The following ADGRG6 variants were observed in gnomAD, a reference collection of about 807,000 sequenced individuals.
ADGRG6 encodes the protein adhesion G protein-coupled receptor G6, also known as G-protein coupled receptor 126.
In ADGRG6, 84 loss-of-function variants were observed where a neutral mutation model predicts 142.4. That is an observed-to-expected ratio of 0.59 (90% CI 0.49 to 0.71). The LOEUF is 0.71. Ranked by LOEUF, ADGRG6 falls within the 30% of genes least tolerant of loss-of-function variation. The pLI is 0.00. For missense variants in ADGRG6, 1,367 were observed against 1,466.6 expected (o/e 0.93, Z 1.11); for synonymous variants, 521 against 520.5 (o/e 1.00, Z -0.01).
intron 22 of ADGRG6, among the ~76,000 whole-genome samples, chr6:142,435,408 C>G (rs1777435453): frequency 6.6e-6 from 1 of 152,174 alleles, no homozygotes. Flanking sequence ...GACACAACCT[C>G]AGCAACTTAT....
intron 9 of ADGRG6, among the ~76,000 whole-genome samples, 198 bp from the exon 10 acceptor site, chr6:142,397,415 A>G (rs577206096): frequency 2.0e-5 from 3 of 152,274 alleles, no homozygotes; most frequent in Non-Finnish European, 2.9e-5. Context: ...GCAATAGCCT[A>G]TAGAATCTAT....
chr6:142,411,895 C>G (rs1276028999), intron 18 of ADGRG6, among the ~76,000 whole-genome samples: 1 of 152,092 alleles, frequency 6.6e-6, no homozygotes, highest in Non-Finnish European at 1.5e-5. Context: ...AGTGATCTCC[C>G]TCCTAGAGAT....
At chr6:142,414,699 T>G (rs1001473286) in intron 18 of ADGRG6, among the ~76,000 whole-genome samples, 16 of 152,230 alleles carry the variant, frequency 1.1e-4, no homozygotes, top group African/African-American at 3.9e-4. Flanking sequence ...GTTTTGATCT[T>G]CAGGTTATAC....
At chr6:142,302,452 G>C in intron 1 of ADGRG6, 121 bp downstream of exon 1, 2 of 1,043,748 alleles carry the variant, frequency 1.9e-6, no homozygotes. Flanking sequence ...TCAACTGCAC[G>C]GAGGGAATAA....
Position 142,411,334 on chromosome 6 carries a change from T to A in ADGRG6, c.2464T>A (p.Cys822Ser). 6.2e-7 allele frequency: 1 copy of A among 1,606,480 alleles called. No individual in the cohort carries two copies. Among genetic ancestry groups the A allele is most frequent in the Non-Finnish European group, 8.5e-7 (1 of 1,173,244 alleles). Reference sequence around the variant, plus strand: ...TTTTGGAGGATGGAACACGTCAGGATGTGTTGCACACAGAGATTCAGATGC... The same window carrying A: ...TTTTGGAGGATGGAACACGTCAGGAAGTGTTGCACACAGAGATTCAGATGC... ...KSFGGWNTSG[C>S]VAHRDSDASE... The change falls in exon 18 of 25, where the codon TGT becomes AGT. Residue 822 changes from cysteine to serine, a missense_variant. Coordinates refer to ENST00000367609, the MANE Select transcript of ADGRG6 (RefSeq NM_198569.3).
chr6:142,321,180 A>G (rs1435153640), intron 2 of ADGRG6, among the ~76,000 whole-genome samples: 15 of 151,952 alleles, frequency 9.9e-5, no homozygotes, highest in Non-Finnish European at 8.8e-5. Context: ...TTTAAACAAT[A>G]GTCTGAATTA....
chr6:142,370,941 C>G (rs9496354), intron 4 of ADGRG6, 148 bp downstream of exon 4: 1 of 838,472 alleles, frequency 1.2e-6, no homozygotes. Flanking sequence ...CATTAAAAAG[C>G]TCTTTTAATT....
At chr6:142,437,285 A>C in intron 22 of ADGRG6, 149 bp from the exon 23 acceptor site, 2 of 532,490 alleles carry the variant, frequency 3.8e-6, no homozygotes, top group Non-Finnish European at 3.4e-6. Flanking sequence ...TGTCTGCTAC[A>C]TACTGCAAGA....
intron 2 of ADGRG6, among the ~76,000 whole-genome samples, chr6:142,344,098 C>T (rs1376735887): frequency 6.6e-6 from 1 of 151,800 alleles, no homozygotes; most frequent in Non-Finnish European, 1.5e-5. Context: ...AGATCCAGTT[C>T]ACATGCTAAT....
At chr6:142,318,102 T>TCA in intron 2 of ADGRG6, among the ~76,000 whole-genome samples, 1 of 142 alleles carries the variant, frequency 7.0e-3, no homozygotes, top group African/African-American at 0.013. Flanking sequence ...TTATATATAT[T>TCA]TATATATATT....
At chr6:142,411,622 CCTTT>C (rs1214243216) in intron 18 of ADGRG6, among the ~76,000 whole-genome samples, 10 of 151,946 alleles carry the variant, frequency 6.6e-5, no homozygotes, top group African/African-American at 2.4e-4. Context: ...GAACTTTCTC[CCTTT>C]TTTTCCTGTA....
At chr6:142,324,823 A>G (rs1051389477) in intron 2 of ADGRG6, among the ~76,000 whole-genome samples, 2 of 152,112 alleles carry the variant, frequency 1.3e-5, no homozygotes, top group South Asian at 2.1e-4. Flanking sequence ...TAGTGCCTAC[A>G]GGTAGGGAGT....
intron 22 of ADGRG6, among the ~76,000 whole-genome samples, chr6:142,434,433 T>G (rs1018517494): frequency 2.6e-5 from 4 of 151,970 alleles, no homozygotes; most frequent in African/African-American, 9.7e-5. Context: ...CAAGCAATTC[T>G]CCTGCTGCAG....
chr6:142,373,741 A>C (rs775187402), intron 4 of ADGRG6, among the ~76,000 whole-genome samples: 5 of 152,120 alleles, frequency 3.3e-5, no homozygotes, highest in Non-Finnish European at 5.9e-5. Context: ...ATGAGGTCTC[A>C]CTGTGTTGTC....
chr6:142,336,820 C>T (rs555280467), intron 2 of ADGRG6, among the ~76,000 whole-genome samples: 7 of 152,322 alleles, frequency 4.6e-5, no homozygotes, highest in African/African-American at 1.7e-4. Flanking sequence ...TACTCGATCT[C>T]AGATGGATAT....
intron 2 of ADGRG6, among the ~76,000 whole-genome samples, chr6:142,341,729 A>G (rs141571417): frequency 0.011 from 1,577 of 143,434 alleles, 32 homozygotes; most frequent in African/African-American, 0.038. Context: ...TAGTTGTGCC[A>G]CTGAGTAACT....
intron 2 of ADGRG6, among the ~76,000 whole-genome samples, chr6:142,340,729 C>A (rs143199767): frequency 6.6e-6 from 1 of 152,030 alleles, no homozygotes; most frequent in African/African-American, 2.4e-5. Flanking sequence ...AGCAGAGAAA[C>A]CTTTAACTCT....
At chr6:142,395,165 GA>G (rs1419691682) in intron 9 of ADGRG6, among the ~76,000 whole-genome samples, 1 of 152,048 alleles carries the variant, frequency 6.6e-6, no homozygotes, top group Non-Finnish European at 1.5e-5. Context: ...GGACTGGATT[GA>G]GCCATGTGAT....
intron 2 of ADGRG6, among the ~76,000 whole-genome samples, chr6:142,330,847 T>G (rs1779020408): frequency 6.6e-6 from 1 of 152,138 alleles, no homozygotes; most frequent in South Asian, 2.1e-4. Flanking sequence ...AAATTGATTT[T>G]CAATTTATTA....
Sources: gnomAD v4.1 joint callset for allele counts (sites outside exome capture counted in the v4.1 genomes callset) on GRCh38, gnomAD v4.1.1 for gene constraint, MANE v1.5 for transcripts, NCBI Gene and HGNC (gene_info 2026-07-23, HGNC 2026-07-21) for gene names.